The following PPP1R12B variants were observed in gnomAD, a reference collection of about 807,000 sequenced individuals.
PPP1R12B encodes the protein protein phosphatase 1 regulatory subunit 12B.
A neutral mutation model predicts 126.1 loss-of-function variants in PPP1R12B; 76 were observed. That is an observed-to-expected ratio of 0.60 (90% CI 0.50 to 0.73). The LOEUF is 0.73. Among genes scored for constraint, PPP1R12B ranks in the 30% least tolerant of loss-of-function variants. PPP1R12B has a pLI of 0.00. For synonymous variants in PPP1R12B, 356 were observed against 434.7 expected, an observed-to-expected ratio of 0.82 and a Z score of 2.25; for missense variants, 1,052 against 1,205.1, an observed-to-expected ratio of 0.87 and a Z score of 1.88.
At chr1:202,544,899 A>G (rs1450282829) in intron 18 of PPP1R12B, among the ~76,000 whole-genome samples, 1 of 152,248 alleles carries the variant, frequency 6.6e-6, no homozygotes, top group African/African-American at 2.4e-5. Flanking sequence ...GCTTGTCTAC[A>G]TAGCAACTTT....
At chr1:202,470,989 T>C (rs1675797389) in intron 13 of PPP1R12B, among the ~76,000 whole-genome samples, 1 of 151,676 alleles carries the variant, frequency 6.6e-6, no homozygotes, top group Admixed American at 6.6e-5. Flanking sequence ...CAAATCCCAA[T>C]ATTTTGCCAT....
chr1:202,446,740 G>A (rs1374960676), intron 12 of PPP1R12B, among the ~76,000 whole-genome samples: 3 of 151,438 alleles, frequency 2.0e-5, no homozygotes, highest in Admixed American at 6.6e-5. Flanking sequence ...CATATGTAAC[G>A]ATAAATCTAA....
chr1:202,411,480 A>T, intron 1 of PPP1R12B, among the ~76,000 whole-genome samples: 1 of 152,052 alleles, frequency 6.6e-6, no homozygotes, highest in East Asian at 1.9e-4. Context: ...ACTTACAAAC[A>T]AGCTCCAGAA....
At chr1:202,454,883 C>G (rs532995318) in intron 13 of PPP1R12B, among the ~76,000 whole-genome samples, 24 of 152,060 alleles carry the variant, frequency 1.6e-4, no homozygotes, top group Non-Finnish European at 3.1e-4. Flanking sequence ...TATAACACCA[C>G]TGTACTCTAT....
rs776433557 is a variant in PPP1R12B, at chr1:202,488,601, G to A, written c.1919G>A (p.Arg640Gln). ...SLRKARSRQA[R>Q]QTRRSTQGVT... ...CGGAAAGCACGCTCCAGACAAGCTCGGCAGACACGAAGGTCTACTCAAGTG... is the reference window on the plus strand; with the variant it reads ...CGGAAAGCACGCTCCAGACAAGCTCAGCAGACACGAAGGTCTACTCAAGTG... Residue 640 changes from arginine (R) to glutamine (Q), a missense_variant, in exon 14 of 24, where the codon CGG becomes CAG. Physicochemically the swap from Arg to Gln is conservative, Grantham distance 43. Coordinates refer to ENST00000608999, the MANE Select transcript of PPP1R12B (RefSeq NM_002481.4). The A allele has an allele frequency of 1.2e-6, 2 of 1,611,516 alleles. No homozygotes were observed. The highest frequency in any genetic ancestry group is 1.1e-5 in the South Asian group (1 of 90,564).
chr1:202,546,015 G>A (rs1390843246), intron 18 of PPP1R12B, among the ~76,000 whole-genome samples: 2 of 152,200 alleles, frequency 1.3e-5, no homozygotes, highest in East Asian at 3.8e-4. Flanking sequence ...TTGAAGTAAA[G>A]TTGCTGTGCT....
chr1:202,501,680 G>A (rs1183192775), intron 18 of PPP1R12B, among the ~76,000 whole-genome samples: 1 of 152,116 alleles, frequency 6.6e-6, no homozygotes, highest in African/African-American at 2.4e-5. Context: ...CCAATTTTAT[G>A]GTTAAGAAGA....
chr1:202,353,804 G>A lies in PPP1R12B; in HGVS notation c.291+4662G>A, dbSNP rs182405434. 4.0e-5 allele frequency among the ~76,000 whole-genome samples: 6 copies of A among 151,888 alleles called. No individual in the cohort carries two copies. In the East Asian group the frequency reaches 9.7e-4, roughly 25 times the overall value. ...TTTTAAAATTTTTTGTAGACAAGGG[G>A]GTCTCACTATGTTGCCAGGGCTGAT... is the stretch of plus-strand genomic sequence containing the variant. On this transcript the variant is annotated intron_variant, in intron 1 of 23. Coordinates refer to ENST00000608999, the MANE Select transcript of PPP1R12B (RefSeq NM_002481.4).
chr1:202,544,292 TTTAATTACTATGTATATTATTGGGTCTA>T (rs1161013902), intron 18 of PPP1R12B, among the ~76,000 whole-genome samples: 1 of 152,220 alleles, frequency 6.6e-6, no homozygotes, highest in Non-Finnish European at 1.5e-5. Flanking sequence ...GCTCTTGATT[TTTAATTACTATGTATATTATTGGGTCTA>T]ACATTTATAA....
chr1:202,352,478 T>A (rs554741955), intron 1 of PPP1R12B, among the ~76,000 whole-genome samples: 1 of 152,236 alleles, frequency 6.6e-6, no homozygotes, highest in South Asian at 2.1e-4. Flanking sequence ...CTGTGCTGAG[T>A]GTGGTGAGGG....
At position 202,588,865 on chromosome 1, in the gene PPP1R12B, A is replaced by AGAT. The variant is rs1553332222; in HGVS notation, c.*8306_*8308dup. On this transcript the variant is annotated 3_prime_UTR_variant, in exon 24 of 24. Transcript: ENST00000608999. The stretch of plus-strand genomic sequence containing the variant: ...TAGATAGATAGATAGATAGATAGAT[A>AGAT]GATAGATATCAAGGTTCCAAGCTTC... The AGAT allele has an allele frequency of 6.9e-5, 10 of 145,938 alleles. No individual in the cohort carries two copies. Among genetic ancestry groups the AGAT allele is most frequent in the South Asian group, 4.2e-4 (2 of 4,778 alleles). 9.0% of individuals were successfully genotyped at this position (145,938 alleles called of 1,614,324 possible). A position where few individuals can be genotyped will look rare whatever the true frequency, so the allele number is the denominator to read the frequency against.
chr1:202,449,123 T>C lies in PPP1R12B; in HGVS notation c.1802T>C (p.Leu601Pro), dbSNP rs748529507. ...AATGGGGTTACAGCTACTCCTGTGC[T>C]CTCCATTACTGGAACAGATTCCTCT... is the stretch of plus-strand genomic sequence containing the variant. ...TANGVTATPV[L>P]SITGTDSSVE... is the part of the protein sequence containing the mutation. The change falls in exon 13 of 24, where the codon CTC (leucine) becomes CCC (proline). Residue 601 changes from leucine (L) to proline (P), a missense_variant. Leu to Pro is a moderately conservative substitution (Grantham distance 98). Coordinates refer to ENST00000608999, the MANE Select transcript of PPP1R12B (RefSeq NM_002481.4). 6.2e-7 allele frequency: 1 copy of C among 1,613,428 alleles called. No homozygotes were observed. Among genetic ancestry groups the C allele is most frequent in the South Asian group, 1.1e-5 (1 of 91,004 alleles).
At chr1:202,489,068 A>G (rs1000440449) in intron 14 of PPP1R12B, among the ~76,000 whole-genome samples, 13 of 152,184 alleles carry the variant, frequency 8.5e-5, no homozygotes, top group African/African-American at 3.1e-4. Flanking sequence ...AAACACACAC[A>G]TGAAAATGAC....
At chr1:202,400,205 T>C (rs139925123) in intron 1 of PPP1R12B, among the ~76,000 whole-genome samples, 164 of 152,370 alleles carry the variant, frequency 1.1e-3, no homozygotes, top group African/African-American at 3.3e-3. Context: ...TTCCTTTTTA[T>C]GGCACATAAC....
At chr1:202,513,876 G>A (rs888785960) in intron 18 of PPP1R12B, among the ~76,000 whole-genome samples, 6 of 152,256 alleles carry the variant, frequency 3.9e-5, no homozygotes, top group Admixed American at 2.6e-4. Context: ...ATGGCAGAAG[G>A]GGAGAGGTAC....
At chr1:202,564,801 T>C (rs1687909590) in intron 21 of PPP1R12B, among the ~76,000 whole-genome samples, 1 of 152,264 alleles carries the variant, frequency 6.6e-6, no homozygotes, top group Non-Finnish European at 1.5e-5. Context: ...GCTCATCATC[T>C]ACTTATTTAT....
chr1:202,399,143 T>C (rs1665433264), intron 1 of PPP1R12B, among the ~76,000 whole-genome samples: 1 of 152,220 alleles, frequency 6.6e-6, no homozygotes, highest in Admixed American at 6.5e-5. Flanking sequence ...GATGGAATAT[T>C]AACATGGTAA....
At chr1:202,435,025 G>A (rs1670626212) in intron 9 of PPP1R12B, among the ~76,000 whole-genome samples, 1 of 152,084 alleles carries the variant, frequency 6.6e-6, no homozygotes, top group Non-Finnish European at 1.5e-5. Flanking sequence ...TTCTTGACGT[G>A]AATATAACCA....
chr1:202,349,106 C>T lies in PPP1R12B; in HGVS notation c.255C>T (p.Asn85=), dbSNP rs376299020. The stretch of plus-strand genomic sequence containing the variant: ...TTCTGGCAAGAGGTGCTGATATCAA[C>T]ACGGTCAACGTGGACGGCTTGACAG... The part of the protein sequence containing the change: ...RKLLARGADI[N]TVNVDGLTAL... The change falls in exon 1 of 24, where the codon AAC becomes AAT. Residue 85 remains asparagine (N), a synonymous_variant. Coordinates refer to ENST00000608999, the MANE Select transcript of PPP1R12B (RefSeq NM_002481.4). 4.3e-6 allele frequency: 7 copies of T among 1,614,004 alleles called. No homozygotes were observed. In the African/African-American group the frequency reaches 8.0e-5, roughly 18 times the overall value.
Sources: allele counts gnomAD v4.1 joint callset (sites outside exome capture counted in the v4.1 genomes callset), GRCh38; gene constraint gnomAD v4.1.1; transcripts MANE v1.5; gene names NCBI Gene and HGNC (gene_info 2026-07-23, HGNC 2026-07-21).